Variants in RAB11FIP5 observed in about 807,000 individuals in gnomAD.
RAB11FIP5 encodes the protein rab11 family-interacting protein 5.
RAB11FIP5 carries 48 observed loss-of-function variants against 85.1 expected under a neutral mutation model. The observed-to-expected ratio is 0.56, with a 90% CI of 0.45 to 0.72. The LOEUF (loss-of-function observed/expected upper bound fraction) is 0.72. Among genes scored for constraint, RAB11FIP5 ranks in the 30% least tolerant of loss-of-function variants. The pLI is 0.00. For missense variants in RAB11FIP5, 1,491 were observed against 1,687.0 expected (o/e 0.88, Z 2.04); for synonymous variants, 729 against 727.3 (o/e 1.00, Z -0.04).
At chr2:73,096,638 C>T (rs763766366) in intron 1 of RAB11FIP5, among the ~76,000 whole-genome samples, 35 of 152,144 alleles carry the variant, frequency 2.3e-4, no homozygotes, top group Non-Finnish European at 3.7e-4. Context: ...GCAATTATCT[C>T]CAGAACTCAC....
Position 73,074,188 on chromosome 2 carries a change from C to T in RAB11FIP5, c.*1333G>A, listed in dbSNP as rs536823261. 22 of 152,392 alleles carry T rather than the reference C, an allele frequency of 1.4e-4. No homozygotes were observed. Among genetic ancestry groups the T allele is most frequent in the African/African-American group, 5.1e-4 (21 of 41,564 alleles). 9.4% of individuals were successfully genotyped at this position (152,392 alleles called of 1,614,324 possible). On this transcript the variant is annotated 3_prime_UTR_variant, in exon 6 of 6. Coordinates refer to ENST00000486777, the MANE Select transcript of RAB11FIP5 (RefSeq NM_001371272.1). The stretch of plus-strand genomic sequence containing the variant: ...GGGCAGAAGGGACAGGCTGAGATAG[C>T]AGCTTAATGGATGGATGGGAGGACA...
chr2:73,077,921 A>C (rs2106101263), intron 4 of RAB11FIP5, among the ~76,000 whole-genome samples: 1 of 152,366 alleles, frequency 6.6e-6, no homozygotes, highest in South Asian at 2.1e-4. Flanking sequence ...GGCTTAGTCC[A>C]AGGCCCTGAA....
chr2:73,083,954 C>T (rs1219092873), intron 3 of RAB11FIP5, among the ~76,000 whole-genome samples: 2 of 152,238 alleles, frequency 1.3e-5, no homozygotes, highest in Non-Finnish European at 2.9e-5. Context: ...TTAACTCTGC[C>T]CCCTCAGCCC....
At chr2:73,095,941 C>T (rs1279635186) in intron 1 of RAB11FIP5, among the ~76,000 whole-genome samples, 1 of 152,162 alleles carries the variant, frequency 6.6e-6, no homozygotes, top group Non-Finnish European at 1.5e-5. Context: ...TGTCCTTAGC[C>T]CCTCAAAACC....
intron 1 of RAB11FIP5, among the ~76,000 whole-genome samples, chr2:73,090,918 C>G (rs574236512): frequency 3.9e-4 from 59 of 152,264 alleles, no homozygotes; most frequent in African/African-American, 1.3e-3. Context: ...GATATTGGCT[C>G]TCAAATACAA....
chr2:73,079,784 G>T lies in RAB11FIP5; in HGVS notation c.3448C>A (p.Pro1150Thr). Residue 1150 changes from proline to threonine, a missense_variant, in exon 4 of 6, where the codon CCC becomes ACC. Pro to Thr is a conservative substitution (Grantham distance 38). This residue lies in a region of RAB11FIP5 where 232 missense variants were observed against 259.1 expected (regional missense o/e 0.90). Coordinates refer to ENST00000486777, the MANE Select transcript of RAB11FIP5 (RefSeq NM_001371272.1). ...PPGEPALLPG[P>T]HEPSPPGGSP... Reference sequence around the variant, plus strand: ...CCCCCAGGTGGGGAGGGCTCATGGGGGCCAGGGAGTAAGGCTGGCTCCCCT... The same window carrying T: ...CCCCCAGGTGGGGAGGGCTCATGGGTGCCAGGGAGTAAGGCTGGCTCCCCT... The T allele has an allele frequency of 8.1e-7, 1 of 1,232,520 alleles. No homozygotes were observed. Among genetic ancestry groups the T allele is most frequent in the Non-Finnish European group, 1.0e-6 (1 of 988,240 alleles). 76.3% of individuals were successfully genotyped at this position (1,232,520 alleles called of 1,614,324 possible).
chr2:73,088,610 G>A lies in RAB11FIP5; in HGVS notation c.1008C>T (p.Leu336=). 1 of 1,613,488 alleles carries A rather than the reference G, an allele frequency of 6.2e-7. No individual in the cohort carries two copies. Among genetic ancestry groups the A allele is most frequent in the Non-Finnish European group, 8.5e-7 (1 of 1,180,036 alleles). ...TGTAAATGTGGCTCCCATTGACACAGAGCGAAGAGCGGGAGGCAGCATCCA... is the reference window on the plus strand; with the variant it reads ...TGTAAATGTGGCTCCCATTGACACAAAGCGAAGAGCGGGAGGCAGCATCCA... The part of the protein sequence containing the change: ...GHLDAASRSS[L]CVNGSHIYNE... Residue 336 remains leucine, a synonymous_variant, in exon 3 of 6, where the codon CTC becomes CTT. Transcript: ENST00000486777.
rs778574634 is a variant in RAB11FIP5, at chr2:73,112,565, C to T, written c.213G>A (p.Glu71=). ...EKTHGCPEWR[E]ECSFELPPGA... The stretch of plus-strand genomic sequence containing the variant: ...CCGGCGGCAGCTCGAAGGAGCACTC[C>T]TCACGCCACTCGGGGCAGCCGTGCG... Residue 71 remains glutamate (E), a synonymous_variant, in exon 1 of 6, where the codon GAG becomes GAA. Coordinates refer to ENST00000486777, the MANE Select transcript of RAB11FIP5 (RefSeq NM_001371272.1). 5.0e-6 allele frequency: 8 copies of T among 1,585,260 alleles called. No homozygotes were observed. The highest frequency in any genetic ancestry group is 1.1e-5 in the South Asian group (1 of 86,998).
Position 73,078,892 on chromosome 2 carries a change from A to G in RAB11FIP5, c.3581+759T>C, listed in dbSNP as rs1466023291. Among the ~76,000 whole-genome samples the G allele has an allele frequency of 1.3e-5, 2 of 152,134 alleles. No individual in the cohort carries two copies. The highest frequency in any genetic ancestry group is 2.9e-5 in the Non-Finnish European group (2 of 68,024). Reference sequence around the variant, plus strand: ...CCCTGACCAGCCACCTGGTGAGGTCACAGCTTCATAATTCTTCCAAACCTC... The same window carrying G: ...CCCTGACCAGCCACCTGGTGAGGTCGCAGCTTCATAATTCTTCCAAACCTC... On this transcript the variant is annotated intron_variant, in intron 4 of 5. Coordinates refer to ENST00000486777, the MANE Select transcript of RAB11FIP5 (RefSeq NM_001371272.1). This position sits in a 1 kb window ranked among gnomAD's most constrained non-coding sequence, Gnocchi z 4.4.
At chr2:73,093,942 G>C (rs572251358) in intron 1 of RAB11FIP5, among the ~76,000 whole-genome samples, 2 of 152,072 alleles carry the variant, frequency 1.3e-5, no homozygotes, top group Admixed American at 1.3e-4. Flanking sequence ...CCAACATGGC[G>C]AAACCCCGTG....
Position 73,076,103 on chromosome 2 carries a change from T to C in RAB11FIP5, c.3661A>G (p.Ile1221Val), listed in dbSNP as rs918346232. 6.2e-7 allele frequency: 1 copy of C among 1,614,116 alleles called. No homozygotes were observed. Among genetic ancestry groups the C allele is most frequent in the Non-Finnish European group, 8.5e-7 (1 of 1,179,910 alleles). The change falls in exon 5 of 6, where the codon ATA becomes GTA. Residue 1221 changes from isoleucine (I) to valine (V), a missense_variant. Physicochemically the swap from Ile to Val is conservative, Grantham distance 29. Around this residue, in one of 3 missense-constraint regions of RAB11FIP5, gnomAD observed 232 missense variants for 259.1 expected, o/e 0.90. Transcript: ENST00000486777. ...DRKQSRSSLS[I>V]ALSSGLEKLK... ...TTCTCCAGCCCACTGCTCAGGGCTA[T>C]GCTCAGACTGGAGCGGGACTGCTTC...
At position 73,088,599 on chromosome 2, in the gene RAB11FIP5, C is replaced by A. The variant is rs1397367963; in HGVS notation, c.1019G>T (p.Gly340Val). Residue 340 changes from glycine to valine, a missense_variant, in exon 3 of 6, where the codon GGG becomes GTG. By Grantham distance (109) the Gly-to-Val change is moderately radical (BLOSUM62 -3). Coordinates refer to ENST00000486777, the MANE Select transcript of RAB11FIP5 (RefSeq NM_001371272.1). ...AASRSSLCVN[G>V]SHIYNEEPQG... ...GGGCTCCTCATTGTAAATGTGGCTC[C>A]CATTGACACAGAGCGAAGAGCGGGA... is the stretch of plus-strand genomic sequence containing the variant. 1 of 1,613,612 alleles carries A rather than the reference C, an allele frequency of 6.2e-7. No homozygotes were observed. The highest frequency in any genetic ancestry group is 8.5e-7 in the Non-Finnish European group (1 of 1,180,030).
chr2:73,089,141 C>G lies in RAB11FIP5; in HGVS notation c.606G>C (p.Lys202Asn), dbSNP rs1423189106. 6.2e-7 allele frequency: 1 copy of G among 1,614,216 alleles called. No homozygotes were observed. The highest frequency in any genetic ancestry group is 1.7e-5 in the Admixed American group (1 of 60,028). ...KIRDKMKGKK[K>N]YDLESASAIL... ...TGGCAGAGGCAGATTCCAGATCATA[C>G]TTCTTCTTGCCCTTCATCTTGTCCC... is the stretch of plus-strand genomic sequence containing the variant. The change falls in exon 2 of 6, where the codon AAG (lysine) becomes AAC (asparagine). Residue 202 changes from lysine (K) to asparagine (N), a missense_variant. By Grantham distance (94) the Lys-to-Asn change is moderately conservative (BLOSUM62 0). Transcript: ENST00000486777. This position sits in a 1 kb window ranked among gnomAD's most constrained non-coding sequence, Gnocchi z 4.6.
In RAB11FIP5 at chr2:73,079,855, G is replaced by C; in HGVS notation, c.3377C>G (p.Ser1126Cys). ...HHRGGPSPPCSPLSEAWPLTT... is the reference protein window; with the variant it reads ...HHRGGPSPPCCPLSEAWPLTT... ...CAGGGGCCAGGCTTCAGACAGGGGAGAGCATGGAGGGCTGGGCCCCCCACG... is the reference window on the plus strand; with the variant it reads ...CAGGGGCCAGGCTTCAGACAGGGGACAGCATGGAGGGCTGGGCCCCCCACG... The change falls in exon 4 of 6, where the codon TCT (serine) becomes TGT (cysteine). Residue 1126 changes from serine to cysteine, a missense_variant. By Grantham distance (112) the Ser-to-Cys change is moderately radical (BLOSUM62 -1). Transcript: ENST00000486777. 8.1e-7 allele frequency: 1 copy of C among 1,232,394 alleles called. No homozygotes were observed. Among genetic ancestry groups the C allele is most frequent in the Non-Finnish European group, 1.0e-6 (1 of 988,168 alleles). 76.3% of individuals were successfully genotyped at this position (1,232,394 alleles called of 1,614,324 possible). A position where few individuals can be genotyped will look rare whatever the true frequency, so the allele number is the denominator to read the frequency against.
rs548512367 is a variant in RAB11FIP5, at chr2:73,090,122, C to T, written c.432-807G>A. 8.5e-5 allele frequency among the ~76,000 whole-genome samples: 13 copies of T among 152,280 alleles called. No individual in the cohort carries two copies. In the East Asian group the frequency reaches 1.9e-3, roughly 23 times the overall value. On this transcript the variant is annotated intron_variant, in intron 1 of 5. Coordinates refer to ENST00000486777, the MANE Select transcript of RAB11FIP5 (RefSeq NM_001371272.1). ...AAAGCATATGAGGTAAGAGGTACTA[C>T]CCCATTGTACAGATCAGGAGGGTGA...
rs1202090475 is a variant in RAB11FIP5 at position 73,075,577 on chromosome 2, G to A, written c.3919C>T (p.Arg1307Trp). The change falls in exon 6 of 6, where the codon CGG becomes TGG. Residue 1307 changes from arginine (R) to tryptophan (W), a missense_variant. Physicochemically the swap from Arg to Trp is moderately radical, Grantham distance 101 (BLOSUM62 -3). Around this residue, in one of 3 missense-constraint regions of RAB11FIP5, gnomAD observed 232 missense variants for 259.1 expected, o/e 0.90. Transcript: ENST00000486777. The surrounding 1 kb of genome is among the most constrained non-coding windows in gnomAD (Gnocchi z 4.6). ...LESYIDRLLV[R>W]IMETSPTLLQ... Reference sequence around the variant, plus strand: ...AGCGTGGGTGAGGTCTCCATGATCCGCACCAGCAGCCGGTCGATGTAGCTC... The same window carrying A: ...AGCGTGGGTGAGGTCTCCATGATCCACACCAGCAGCCGGTCGATGTAGCTC... 1.2e-6 allele frequency: 2 copies of A among 1,614,092 alleles called. No homozygotes were observed. Among genetic ancestry groups the A allele is most frequent in the Non-Finnish European group, 8.5e-7 (1 of 1,179,974 alleles).
At chr2:73,090,248 G>C (rs1209607531) in intron 1 of RAB11FIP5, among the ~76,000 whole-genome samples, 1 of 152,178 alleles carries the variant, frequency 6.6e-6, no homozygotes. Flanking sequence ...TGCCCAGAGA[G>C]ACACAGAGAC....
chr2:73,089,041 G>A lies in RAB11FIP5; in HGVS notation c.706C>T (p.Leu236Phe). ...GKMGKAKGFF[L>F]RNKLRKSSLT... ...GACGACTTGCGCAGCTTGTTGCGGA[G>A]GAAGAAGCCTTTGGCTTTGCCCATC... Residue 236 changes from leucine (L) to phenylalanine (F), a missense_variant, in exon 2 of 6, where the codon CTC becomes TTC. This residue lies in a region of RAB11FIP5 where 1,211 missense variants were observed against 1,338.0 expected (regional missense o/e 0.91). Coordinates refer to ENST00000486777, the MANE Select transcript of RAB11FIP5 (RefSeq NM_001371272.1). The surrounding 1 kb of genome is among the most constrained non-coding windows in gnomAD (Gnocchi z 4.6). 4 of 1,614,220 alleles carry A rather than the reference G, an allele frequency of 2.5e-6. No homozygotes were observed. Among genetic ancestry groups the A allele is most frequent in the East Asian group, 2.2e-5 (1 of 44,878 alleles).
rs372985144 is a variant in RAB11FIP5 at position 73,091,453 on chromosome 2, ACATACACACACACACACACG to A, written c.432-2158_432-2139del. Among the ~76,000 whole-genome samples the A allele has an allele frequency of 3.1e-3, 478 of 152,172 alleles. 4 individuals carry two copies. The highest frequency in any genetic ancestry group is 0.01 in the African/African-American group (419 of 41,500). On this transcript the variant is annotated intron_variant, in intron 1 of 5. Transcript: ENST00000486777. The stretch of plus-strand genomic sequence containing the variant: ...CTTGGTGACTGCACAGCACACACAC[ACATACACACACACACACACG>A]CACACAGAGCTACCCAAGCCGCAGT...
Sources: allele counts gnomAD v4.1 joint callset (sites outside exome capture counted in the v4.1 genomes callset), GRCh38; gene constraint gnomAD v4.1.1; regional missense constraint gnomAD v4.1.1; non-coding constraint Gnocchi (gnomAD v3.1); transcripts MANE v1.5; gene names NCBI Gene and HGNC (gene_info 2026-07-23, HGNC 2026-07-21).